The following CCDC30 variants were observed in gnomAD, a reference collection of about 807,000 sequenced individuals.
CCDC30 encodes coiled-coil domain containing 30, also known as coiled-coil domain-containing protein 30.
Under a neutral mutation model 100.2 loss-of-function variants are expected in CCDC30, and 70 were observed. The ratio of observed to expected loss-of-function variants is 0.70; its 90% confidence interval spans 0.58 to 0.85. The LOEUF is 0.85. Ranked by LOEUF, CCDC30 falls within the 40% of genes least tolerant of loss-of-function variation. The pLI is 0.00. For synonymous variants in CCDC30, 233 were observed against 269.5 expected, an observed-to-expected ratio of 0.86 and a Z score of 1.33; for missense variants, 652 against 771.2, an observed-to-expected ratio of 0.85 and a Z score of 1.83.
At chr1:42,605,768 T>C (rs1376891362) in intron 10 of CCDC30, among the ~76,000 whole-genome samples, 1 of 152,162 alleles carries the variant, frequency 6.6e-6, no homozygotes, top group Non-Finnish European at 1.5e-5. Flanking sequence ...ATTACAAGCA[T>C]GAGCCACTGC....
chr1:42,586,211 G>A (rs1222563302), intron 9 of CCDC30, among the ~76,000 whole-genome samples: 1 of 152,192 alleles, frequency 6.6e-6, no homozygotes, highest in Non-Finnish European at 1.5e-5. Context: ...AAAGTTCATT[G>A]GCTGAAAGAA....
chr1:42,481,906 C>T (rs1643964573), intron 2 of CCDC30, among the ~76,000 whole-genome samples: 1 of 152,048 alleles, frequency 6.6e-6, no homozygotes, highest in Non-Finnish European at 1.5e-5. Flanking sequence ...CATGCTGGAA[C>T]ACAGTACAGC....
intron 8 of CCDC30, chr1:42,580,954 T>C: frequency 2.3e-6 from 1 of 441,016 alleles, no homozygotes; most frequent in South Asian, 1.6e-5. Flanking sequence ...AAACAAATAC[T>C]CAGCTTCCTG....
At chr1:42,538,146 C>T (rs560082679) in intron 6 of CCDC30, among the ~76,000 whole-genome samples, 45 of 67,288 alleles carry the variant, frequency 6.7e-4, no homozygotes, top group African/African-American at 2.4e-3. Flanking sequence ...GACACTGTCT[C>T]CACAAAAAAA....
At chr1:42,651,867 C>T (rs1237993657) in intron 15 of CCDC30, among the ~76,000 whole-genome samples, 2 of 152,058 alleles carry the variant, frequency 1.3e-5, no homozygotes, top group Non-Finnish European at 2.9e-5. Flanking sequence ...GAGCAACACC[C>T]TATCTCAACA....
At chr1:42,500,377 G>T in intron 6 of CCDC30, 1 of 1,396,640 alleles carries the variant, frequency 7.2e-7, no homozygotes, top group South Asian at 1.2e-5. Flanking sequence ...GCGTGAGAAC[G>T]AGCGAAGTCT....
chr1:42,622,400 G>A (rs1352096181), intron 11 of CCDC30, among the ~76,000 whole-genome samples: 1 of 152,178 alleles, frequency 6.6e-6, no homozygotes, highest in African/African-American at 2.4e-5. Context: ...AAAAAACATG[G>A]GAGTGCAGAT....
chr1:42,474,721 G>A (rs189644075), intron 1 of CCDC30, among the ~76,000 whole-genome samples: 264 of 152,306 alleles, frequency 1.7e-3, no homozygotes, highest in Admixed American at 5.8e-3. Flanking sequence ...GACAAGGCAA[G>A]TCTCTTAGCC....
chr1:42,581,623 C>G (rs1645969212), intron 9 of CCDC30, 109 bp downstream of exon 13: 3 of 976,642 alleles, frequency 3.1e-6, no homozygotes, highest in Non-Finnish European at 4.5e-6. Flanking sequence ...GCTCTGTCCC[C>G]ACTGAAGTAA....
intron 5 of CCDC30, 30 bp from the exon 6 acceptor site, chr1:42,498,788 G>A: frequency 1.3e-5 from 14 of 1,086,826 alleles, no homozygotes; most frequent in Non-Finnish European, 1.6e-5. Context: ...AAATTGAGAA[G>A]TCTACAAGGT....
chr1:42,500,051 C>T (rs1330349326), intron 6 of CCDC30, among the ~76,000 whole-genome samples: 3 of 152,258 alleles, frequency 2.0e-5, no homozygotes, highest in South Asian at 2.1e-4. Context: ...GCACAGCCTT[C>T]GTTGTCAGTA....
the CCDC30 span, chr1:42,457,428 C>T: frequency 7.9e-7 from 1 of 1,259,172 alleles, no homozygotes; most frequent in Non-Finnish European, 1.2e-6. Flanking sequence ...CTGGAGATGG[C>T]CTTTCTGCAT....
At chr1:42,614,637 A>C (rs1447914945) in intron 11 of CCDC30, among the ~76,000 whole-genome samples, 1 of 151,774 alleles carries the variant, frequency 6.6e-6, no homozygotes, top group Non-Finnish European at 1.5e-5. Flanking sequence ...AAATACAAAA[A>C]TTAGCTAGGC....
intron 10 of CCDC30, among the ~76,000 whole-genome samples, chr1:42,606,389 C>T (rs879621667): frequency 2.0e-5 from 3 of 152,158 alleles, no homozygotes; most frequent in African/African-American, 4.8e-5. Context: ...ATGATTCTCC[C>T]GTTTCAGACT....
At position 42,483,301 on chromosome 1, in the gene CCDC30, A is replaced by C. The variant is rs115421434; in HGVS notation, c.169+485A>C. ...TGCAATTTATCCATTCTACTGATGG[A>C]CGATTGTGTTGTCAGTTTTTGTCTA... On this transcript the variant is annotated intron_variant, in intron 3 of 16. Transcript: ENST00000668663. 7.9e-3 allele frequency among the ~76,000 whole-genome samples: 1,201 copies of C among 152,248 alleles called. 21 individuals carry two copies. Among genetic ancestry groups the C allele is most frequent in the African/African-American group, 0.027 (1,123 of 41,560 alleles).
rs1286423525 is a variant in CCDC30, at chr1:42,596,272, G to A, written c.1164+6789G>A. ...AGGGACCCAGTCATTAGGGGACTTA[G>A]ACACATTTGTGAGTTTTACCTCCTG... On this transcript the variant is annotated intron_variant, in intron 10 of 16. Coordinates refer to ENST00000668663, the Ensembl canonical transcript of CCDC30. This position sits in a 1 kb window ranked among gnomAD's most constrained non-coding sequence, Gnocchi z 4.3. Among the ~76,000 whole-genome samples, 1 of 152,162 alleles carries A rather than the reference G, an allele frequency of 6.6e-6. No individual in the cohort carries two copies. Among genetic ancestry groups the A allele is most frequent in the Admixed American group, 6.5e-5 (1 of 15,280 alleles).
At chr1:42,620,244 G>A (rs772422814) in intron 11 of CCDC30, among the ~76,000 whole-genome samples, 10 of 152,162 alleles carry the variant, frequency 6.6e-5, no homozygotes, top group Non-Finnish European at 1.2e-4. Context: ...TACTTGAGGA[G>A]TAGGGGAAGA....
intron 6 of CCDC30, among the ~76,000 whole-genome samples, chr1:42,509,536 G>A (rs996104231): frequency 1.3e-5 from 2 of 152,116 alleles, no homozygotes; most frequent in East Asian, 3.9e-4. Flanking sequence ...TACAATGGTG[G>A]GGACTAAAAC....
At chr1:42,521,504 T>G (rs971980040) in intron 6 of CCDC30, among the ~76,000 whole-genome samples, 1 of 152,234 alleles carries the variant, frequency 6.6e-6, no homozygotes, top group African/African-American at 2.4e-5. Context: ...TTGTCCTGTG[T>G]GCAGTTGAGA....
Sources: gnomAD v4.1 joint callset for allele counts (sites outside exome capture counted in the v4.1 genomes callset) on GRCh38, gnomAD v4.1.1 for gene constraint, Gnocchi (gnomAD v3.1) non-coding constraint, MANE v1.5 for transcripts, NCBI Gene and HGNC (gene_info 2026-07-23, HGNC 2026-07-21) for gene names.